SGCZ: variants seen among roughly 807,000 people sequenced by gnomAD.
SGCZ encodes zeta-sarcoglycan.
A neutral mutation model predicts 41.3 loss-of-function variants in SGCZ; 40 were observed. The ratio of observed to expected loss-of-function variants is 0.97; its 90% CI spans 0.75 to 1.26. SGCZ has a LOEUF of 1.26. Ranked by LOEUF, SGCZ falls within the 50% of genes most tolerant of loss-of-function variation. The pLI, the probability that SGCZ is intolerant of heterozygous loss-of-function variation, is 0.00. For synonymous variants in SGCZ, 206 were observed against 137.5 expected (o/e 1.50, Z -3.49); for missense variants, 552 against 369.8 (o/e 1.49, Z -4.04).
At chr8:14,426,303 A>T (rs975309394) in intron 2 of SGCZ, among the ~76,000 whole-genome samples, 1 of 152,194 alleles carries the variant, frequency 6.6e-6, no homozygotes, top group Non-Finnish European at 1.5e-5. Flanking sequence ...GATTAGGAAT[A>T]ATTGCCAGAG....
intron 1 of SGCZ, among the ~76,000 whole-genome samples, chr8:14,591,461 G>T (rs1025192863): frequency 1.3e-5 from 2 of 151,848 alleles, no homozygotes; most frequent in South Asian, 2.1e-4. Context: ...AATTGAAAAG[G>T]TACAAAAAAT....
rs1198011530 is a variant in SGCZ at position 14,088,470 on chromosome 8, A to C, written c.*1973T>G. 1.3e-5 allele frequency among the ~76,000 whole-genome samples: 2 copies of C among 151,908 alleles called. No homozygotes were observed. The highest frequency in any genetic ancestry group is 4.8e-5 in the African/African-American group (2 of 41,436). ...CTTAAAAGTCCATAATATAGTGATT[A>C]GCACACATAATTTCTCAATATTTCT... is the stretch of plus-strand genomic sequence containing the variant. On this transcript the variant is annotated 3_prime_UTR_variant, in exon 8 of 8. Transcript: ENST00000382080.
intron 1 of SGCZ, among the ~76,000 whole-genome samples, chr8:15,012,587 T>TAAATATTTATATAAC (rs1554540044): frequency 3.8e-5 from 2 of 52,024 alleles, no homozygotes; most frequent in African/African-American, 8.8e-5. Context: ...TTATATAACA[T>TAAATATTTATATAAC]ATAAATATAT....
At chr8:15,179,403 C>T (rs2117082961) in intron 1 of SGCZ, among the ~76,000 whole-genome samples, 1 of 152,264 alleles carries the variant, frequency 6.6e-6, no homozygotes, top group South Asian at 2.1e-4. Flanking sequence ...TTTCACAGAA[C>T]TTTACAGTTT....
At chr8:14,710,217 A>C (rs2117621752) in intron 1 of SGCZ, among the ~76,000 whole-genome samples, 1 of 152,102 alleles carries the variant, frequency 6.6e-6, no homozygotes, top group South Asian at 2.1e-4. Context: ...AAACAAAAAA[A>C]AAATTAGCAG....
chr8:14,644,945 C>T (rs544259046), intron 1 of SGCZ, among the ~76,000 whole-genome samples: 98 of 21,518 alleles, frequency 4.6e-3, no homozygotes, highest in Admixed American at 8.0e-3. Context: ...TGTGTAGTTG[C>T]ATAAATAAAA....
intron 4 of SGCZ, among the ~76,000 whole-genome samples, chr8:14,220,564 T>G (rs1806157463): frequency 6.6e-6 from 1 of 151,890 alleles, no homozygotes; most frequent in African/African-American, 2.4e-5. Flanking sequence ...TGTGTATGTG[T>G]TATAAGATAA....
intron 2 of SGCZ, among the ~76,000 whole-genome samples, chr8:14,454,411 A>C (rs1230851382): frequency 1.3e-5 from 2 of 152,188 alleles, no homozygotes; most frequent in Non-Finnish European, 2.9e-5. Context: ...ACCTTCACTG[A>C]AAATATTTGA....
intron 1 of SGCZ, among the ~76,000 whole-genome samples, chr8:15,110,237 C>T (rs181183413): frequency 6.6e-6 from 1 of 152,222 alleles, no homozygotes; most frequent in East Asian, 1.9e-4. Context: ...TCAGATGATC[C>T]TTGAGTTACC....
intron 1 of SGCZ, among the ~76,000 whole-genome samples, chr8:14,693,947 C>T (rs561635167): frequency 2.6e-5 from 4 of 152,156 alleles, no homozygotes; most frequent in African/African-American, 9.6e-5. Context: ...ATTAATATAC[C>T]TTATGCAGTT....
chr8:14,296,958 G>C (rs1402623302), intron 3 of SGCZ, among the ~76,000 whole-genome samples: 1 of 151,736 alleles, frequency 6.6e-6, no homozygotes, highest in African/African-American at 2.4e-5. Context: ...TTTCGCTCTT[G>C]TTGCCCAAGC....
chr8:14,442,335 C>G (rs1800294976), intron 2 of SGCZ, among the ~76,000 whole-genome samples: 1 of 152,210 alleles, frequency 6.6e-6, no homozygotes. Flanking sequence ...CACACACTCT[C>G]TTGCCTGCTG....
At chr8:14,600,639 A>G (rs1398216742) in intron 1 of SGCZ, among the ~76,000 whole-genome samples, 3 of 152,174 alleles carry the variant, frequency 2.0e-5, no homozygotes, top group East Asian at 3.9e-4. Flanking sequence ...GAATAAATGC[A>G]TTTGCTGATA....
chr8:14,278,650 T>A (rs1483926937), intron 3 of SGCZ, among the ~76,000 whole-genome samples: 2 of 152,172 alleles, frequency 1.3e-5, no homozygotes, highest in African/African-American at 4.8e-5. Context: ...CCTAGCTGTA[T>A]ATATTCTGCC....
chr8:14,927,004 T>C lies in SGCZ; in HGVS notation c.39+310581A>G, dbSNP rs182907346. ...TCCTTACATTTCCAGAATATCACAT[T>C]CCTATGGACACAGTATATAGTCTTT... On this transcript the variant is annotated intron_variant, in intron 1 of 7. Coordinates refer to ENST00000382080, the MANE Select transcript of SGCZ (RefSeq NM_139167.4). Among the ~76,000 whole-genome samples the C allele has an allele frequency of 4.4e-3, 666 of 152,098 alleles. 6 individuals are homozygous for C. Among genetic ancestry groups the C allele is most frequent in the South Asian group, 0.017 (83 of 4,816 alleles).
At chr8:14,176,930 T>A (rs928271176) in intron 4 of SGCZ, among the ~76,000 whole-genome samples, 2 of 152,156 alleles carry the variant, frequency 1.3e-5, no homozygotes, top group Non-Finnish European at 2.9e-5. Flanking sequence ...CCTAATAAAC[T>A]CAAGAACACA....
At chr8:14,273,115 C>A (rs1003691093) in intron 3 of SGCZ, among the ~76,000 whole-genome samples, 1 of 152,100 alleles carries the variant, frequency 6.6e-6, no homozygotes, top group African/African-American at 2.4e-5. Flanking sequence ...TAAGTGTCAT[C>A]ATGAAGAGCT....
intron 1 of SGCZ, among the ~76,000 whole-genome samples, chr8:15,014,649 A>C (rs2130931893): frequency 6.6e-6 from 1 of 152,226 alleles, no homozygotes; most frequent in African/African-American, 2.4e-5. Context: ...ACTTTATCCA[A>C]AACACCCTTC....
intron 1 of SGCZ, among the ~76,000 whole-genome samples, chr8:14,587,880 C>CT: frequency 6.6e-6 from 1 of 152,170 alleles, no homozygotes; most frequent in East Asian, 1.9e-4. Flanking sequence ...GTATTATAAA[C>CT]TGAGTTTTTG....
Sources: allele counts gnomAD v4.1 joint callset (sites outside exome capture counted in the v4.1 genomes callset), GRCh38; gene constraint gnomAD v4.1.1; transcripts MANE v1.5; gene names NCBI Gene and HGNC (gene_info 2026-07-23, HGNC 2026-07-21).